The following CMIP variants were observed in gnomAD, a reference collection of about 807,000 sequenced individuals.
CMIP encodes the protein C-Maf-inducing protein.
CMIP carries 13 observed loss-of-function variants against 97.3 expected under a neutral mutation model. The observed-to-expected ratio is 0.13, with a 90% confidence interval of 0.09 to 0.21. CMIP has a LOEUF of 0.21. CMIP is among the 10% of genes least tolerant of loss of function. CMIP has a pLI of 1.00. For missense variants in CMIP, 847 were observed against 1,024.9 expected, an observed-to-expected ratio of 0.83 and a Z score of 2.37; for synonymous variants, 538 against 436.3, an observed-to-expected ratio of 1.23 and a Z score of -2.91.
chr16:81,651,269 C>T (rs1006907931), intron 3 of CMIP: 2 of 188,902 alleles, frequency 1.1e-5, no homozygotes, highest in East Asian at 1.9e-4. Flanking sequence ...GGCGGGAGCC[C>T]GGGCGGGGGT....
intron 7 of CMIP, among the ~76,000 whole-genome samples, chr16:81,669,597 CACCTCTCACCTCCTTCCGCACCA>C (rs1181983009): frequency 1.3e-5 from 2 of 148,924 alleles, no homozygotes; most frequent in Non-Finnish European, 3.0e-5. Context: ...CTTCCACACC[CACCTCTCACCTCCTTCCGCACCA>C]ACCTCTCACC....
intron 1 of CMIP, among the ~76,000 whole-genome samples, chr16:81,478,246 A>T (rs1353246605): frequency 6.6e-6 from 1 of 152,186 alleles, no homozygotes; most frequent in East Asian, 1.9e-4. Flanking sequence ...AAAGCCACTC[A>T]CATGTAGCAC....
intron 18 of CMIP, among the ~76,000 whole-genome samples, chr16:81,704,975 T>G (rs138173465): frequency 3.4e-4 from 52 of 152,018 alleles, no homozygotes; most frequent in Admixed American, 2.0e-3. Context: ...TCTGGGTCTT[T>G]TTGTTATAGT....
At chr16:81,540,601 C>T (rs1283573897) in intron 1 of CMIP, among the ~76,000 whole-genome samples, 6 of 151,802 alleles carry the variant, frequency 4.0e-5, no homozygotes, top group African/African-American at 1.5e-4. Flanking sequence ...CTGCACCTGG[C>T]CTGGCCTCTT....
In CMIP at chr16:81,688,462, C is replaced by T. The variant is rs114662418; in HGVS notation, c.1389-3313C>T. Among the ~76,000 whole-genome samples, 1,502 of 152,322 alleles carry T rather than the reference C, an allele frequency of 9.9e-3. 21 individuals carry two copies. The highest frequency in any genetic ancestry group is 0.034 in the African/African-American group (1,417 of 41,566). ...GGATTTGACTCCTCATATGCCACAG[C>T]TGTGTGACCTTAAACCTCTGAGCCT... On this transcript the variant is annotated intron_variant, in intron 10 of 20. Transcript: ENST00000537098.
Position 81,445,195 on chromosome 16 carries a change from A to C in CMIP, c.-47A>C. On this transcript the variant is annotated 5_prime_UTR_variant, in exon 1 of 21. Transcript: ENST00000537098. ...GGGGGCCCCGCCGCCCCAGCAGCCCAGGACAGCCCCCTCTCCCCGCCCCCA... is the reference window on the plus strand; with the variant it reads ...GGGGGCCCCGCCGCCCCAGCAGCCCCGGACAGCCCCCTCTCCCCGCCCCCA... 3.0e-6 allele frequency: 4 copies of C among 1,324,434 alleles called. No individual in the cohort carries two copies. The highest frequency in any genetic ancestry group is 1.0e-6 in the Non-Finnish European group (1 of 997,072). The allele number at this position is 1,324,434 out of a possible 1,614,324, so 82.0% of individuals were successfully genotyped here. A position where few individuals can be genotyped will look rare whatever the true frequency, so the allele number is the denominator to read the frequency against.
At chr16:81,640,374 C>G (rs1311972352) in intron 3 of CMIP, among the ~76,000 whole-genome samples, 1 of 151,630 alleles carries the variant, frequency 6.6e-6, no homozygotes, top group Non-Finnish European at 1.5e-5. Context: ...GCAGAGGGCC[C>G]TGCTGCCTTC....
At chr16:81,460,312 G>C (rs191926046) in intron 1 of CMIP, among the ~76,000 whole-genome samples, 7 of 152,196 alleles carry the variant, frequency 4.6e-5, no homozygotes, top group Non-Finnish European at 7.4e-5. Flanking sequence ...CTTTTCCTTC[G>C]GGTTGCCAGC....
intron 1 of CMIP, among the ~76,000 whole-genome samples, chr16:81,561,839 G>A (rs372732816): frequency 6.6e-6 from 1 of 152,208 alleles, no homozygotes; most frequent in Non-Finnish European, 1.5e-5. Context: ...GTACATTTCA[G>A]ATGCTCAGTA....
At chr16:81,452,929 A>G (rs1217332256) in intron 1 of CMIP, among the ~76,000 whole-genome samples, 3 of 144,186 alleles carry the variant, frequency 2.1e-5, no homozygotes, top group African/African-American at 7.8e-5. Flanking sequence ...CTCCCAATAA[A>G]TAGTGAAGAA....
At chr16:81,452,158 G>T (rs1359378693) in intron 1 of CMIP, among the ~76,000 whole-genome samples, 7 of 152,214 alleles carry the variant, frequency 4.6e-5, no homozygotes, top group Non-Finnish European at 8.8e-5. Flanking sequence ...GGGGTGTGCA[G>T]TGAGGCCACA....
At chr16:81,488,066 G>A (rs1211581359) in intron 1 of CMIP, among the ~76,000 whole-genome samples, 1 of 150,722 alleles carries the variant, frequency 6.6e-6, no homozygotes, top group Non-Finnish European at 1.5e-5. Context: ...GTTTATTATT[G>A]TTGGCAAGAC....
intron 1 of CMIP, among the ~76,000 whole-genome samples, chr16:81,483,748 G>C (rs1282555145): frequency 2.6e-5 from 4 of 152,186 alleles, no homozygotes; most frequent in South Asian, 2.1e-4. Context: ...GCTATCCTCA[G>C]TGTTGGTCAC....
At chr16:81,567,266 G>A (rs1332345630) in intron 1 of CMIP, among the ~76,000 whole-genome samples, 2 of 152,278 alleles carry the variant, frequency 1.3e-5, no homozygotes, top group East Asian at 3.8e-4. Context: ...GGCAGCTGCA[G>A]ACTTCCCTGA....
Position 81,550,672 on chromosome 16 carries a change from A to G in CMIP, c.301-56895A>G, listed in dbSNP as rs183894586. On this transcript the variant is annotated intron_variant, in intron 1 of 20. Coordinates refer to ENST00000537098, the MANE Select transcript of CMIP (RefSeq NM_198390.3). ...GCTTCTGGAATCTACCTGATCAATT[A>G]GAAACTACTAGAAGGCTGAAGTCAG... Among the ~76,000 whole-genome samples the G allele has an allele frequency of 1.8e-4, 27 of 152,310 alleles. No individual in the cohort carries two copies. The East Asian group carries it at 4.8e-3, about 27-fold the overall frequency.
At chr16:81,708,250 C>T (rs1908372338) in intron 20 of CMIP, among the ~76,000 whole-genome samples, 1 of 152,236 alleles carries the variant, frequency 6.6e-6, no homozygotes. Context: ...TCACCCATCC[C>T]AGCGTTTAGA....
intron 3 of CMIP, among the ~76,000 whole-genome samples, chr16:81,643,375 G>A (rs922336646): frequency 6.6e-6 from 1 of 152,240 alleles, no homozygotes; most frequent in Non-Finnish European, 1.5e-5. Flanking sequence ...GGGGCTGGGG[G>A]AGAGTACAAT....
intron 1 of CMIP, among the ~76,000 whole-genome samples, chr16:81,500,821 C>A (rs1027042677): frequency 1.3e-5 from 2 of 151,904 alleles, no homozygotes; most frequent in African/African-American, 4.8e-5. Context: ...CCCTCTCTGT[C>A]CTTCCCTTCC....
intron 1 of CMIP, among the ~76,000 whole-genome samples, chr16:81,569,187 C>T (rs1567585126): frequency 6.6e-6 from 1 of 152,206 alleles, no homozygotes. Context: ...TCCCCATCAC[C>T]CTGTATCCCT....
Sources: gnomAD v4.1 joint callset for allele counts (sites outside exome capture counted in the v4.1 genomes callset) on GRCh38, gnomAD v4.1.1 for gene constraint, MANE v1.5 for transcripts, NCBI Gene and HGNC (gene_info 2026-07-23, HGNC 2026-07-21) for gene names.